LRRC7: variants seen among roughly 807,000 people sequenced by gnomAD.
The protein encoded by LRRC7 is leucine-rich repeat-containing protein 7.
LRRC7 carries 23 observed loss-of-function variants against 175.7 expected under a neutral mutation model. The ratio of observed to expected loss-of-function variants is 0.13; its 90% confidence interval spans 0.09 to 0.19. LRRC7 has a LOEUF of 0.19. Ranked by LOEUF, LRRC7 falls within the 10% of genes least tolerant of loss-of-function variation. The probability of loss-of-function intolerance (pLI) is 1.00; values close to 1 mark genes in which losing one functional copy is unlikely to be tolerated. For synonymous variants in LRRC7, 685 were observed against 680.9 expected (o/e 1.01, Z -0.09); for missense variants, 1,354 against 1,904.7 (o/e 0.71, Z 5.38).
intron 2 of LRRC7, among the ~76,000 whole-genome samples, chr1:69,724,827 G>A (rs996605756): frequency 6.6e-6 from 1 of 151,982 alleles, no homozygotes; most frequent in Non-Finnish European, 1.5e-5. Flanking sequence ...TGTACTATAG[G>A]AACTTGCTAT....
At chr1:69,787,479 G>A (rs544820305) in intron 3 of LRRC7, among the ~76,000 whole-genome samples, 19 of 152,214 alleles carry the variant, frequency 1.2e-4, no homozygotes, top group Non-Finnish European at 2.5e-4. Context: ...GCAAACATCT[G>A]CCTGGGTATC....
At chr1:69,732,336 GA>G (rs200890531) in intron 2 of LRRC7, among the ~76,000 whole-genome samples, 336 of 151,400 alleles carry the variant, frequency 2.2e-3, no homozygotes, top group African/African-American at 5.6e-3. Context: ...GAAAAATAGG[GA>G]AAAAAAATAC....
chr1:69,842,839 T>C (rs1434669709), intron 7 of LRRC7, among the ~76,000 whole-genome samples: 1 of 152,152 alleles, frequency 6.6e-6, no homozygotes. Context: ...ATTGTGAATA[T>C]ACATGTTCTT....
At chr1:69,760,468 A>G in intron 3 of LRRC7, 75 bp downstream of exon 3, 1 of 1,238,656 alleles carries the variant, frequency 8.1e-7, no homozygotes, top group African/African-American at 1.5e-5. Context: ...TATAATGGTA[A>G]TGTGAACTAT....
chr1:69,666,350 ATTCC>A (rs1028479133), intron 1 of LRRC7, among the ~76,000 whole-genome samples: 2 of 152,070 alleles, frequency 1.3e-5, no homozygotes, highest in African/African-American at 4.8e-5. Flanking sequence ...GTCTGAAAGT[ATTCC>A]TTCCTCCTCT....
chr1:69,641,524 C>A (rs1031796597), intron 1 of LRRC7, among the ~76,000 whole-genome samples: 2 of 151,358 alleles, frequency 1.3e-5, no homozygotes, highest in Admixed American at 6.6e-5. Context: ...TATTAATAAC[C>A]TTTACAGCTT....
At chr1:69,736,005 G>C (rs1385482834) in intron 2 of LRRC7, among the ~76,000 whole-genome samples, 1 of 151,982 alleles carries the variant, frequency 6.6e-6, no homozygotes, top group Non-Finnish European at 1.5e-5. Context: ...CACTTTGGCT[G>C]GTTAAAATGC....
At chr1:69,667,673 T>G (rs1421461659) in intron 1 of LRRC7, among the ~76,000 whole-genome samples, 1 of 152,218 alleles carries the variant, frequency 6.6e-6, no homozygotes, top group African/African-American at 2.4e-5. Context: ...TTCTGTCCCT[T>G]TATTTTCAGT....
chr1:69,699,406 G>C (rs911822703), intron 2 of LRRC7, among the ~76,000 whole-genome samples: 4 of 152,026 alleles, frequency 2.6e-5, no homozygotes, highest in African/African-American at 4.8e-5. Context: ...TGGGTGTGGT[G>C]GTGCACACCT....
At chr1:69,601,735 G>A (rs1391919516) in intron 1 of LRRC7, among the ~76,000 whole-genome samples, 3 of 152,032 alleles carry the variant, frequency 2.0e-5, no homozygotes, top group African/African-American at 7.2e-5. Context: ...AAAATATTGG[G>A]TTAGGCTACT....
At chr1:69,603,617 TC>T in intron 1 of LRRC7, among the ~76,000 whole-genome samples, 1 of 152,220 alleles carries the variant, frequency 6.6e-6, no homozygotes. Context: ...AATACCTTAA[TC>T]CAGAAAACTA....
At chr1:69,767,422 T>C (rs1337416650) in intron 3 of LRRC7, among the ~76,000 whole-genome samples, 1 of 152,110 alleles carries the variant, frequency 6.6e-6, no homozygotes, top group Non-Finnish European at 1.5e-5. Flanking sequence ...AATACCCAAA[T>C]TCCTCCAGTA....
rs950402329 is a variant in LRRC7 at position 70,138,036 on chromosome 1, AAG to A, written c.*16150_*16151del. The A allele has an allele frequency of 2.0e-5, 3 of 152,214 alleles. No homozygotes were observed. The highest frequency in any genetic ancestry group is 7.2e-5 in the African/African-American group (3 of 41,448). 9.4% of individuals were successfully genotyped at this position (152,214 alleles called of 1,614,324 possible). A position where few individuals can be genotyped will look rare whatever the true frequency, so the allele number is the denominator to read the frequency against. On this transcript the variant is annotated 3_prime_UTR_variant, in exon 27 of 27. Coordinates refer to ENST00000651989, the MANE Select transcript of LRRC7 (RefSeq NM_001370785.2). ...ACTGTATAATAAAGTTGAGTTCAAA[AAG>A]TGTATGAATTCAGTTATGGTCTGGA...
chr1:69,676,007 GCA>G (rs57846147), intron 1 of LRRC7, among the ~76,000 whole-genome samples: 30,918 of 147,276 alleles, frequency 0.21, 3,319 homozygotes, highest in Non-Finnish European at 0.25. Context: ...ATGAGTGCAT[GCA>G]CACACACACA....
intron 1 of LRRC7, among the ~76,000 whole-genome samples, chr1:69,646,850 T>C (rs1655070458): frequency 6.6e-6 from 1 of 152,104 alleles, no homozygotes; most frequent in African/African-American, 2.4e-5. Flanking sequence ...GAAATAGGGT[T>C]TAAGGATCTC....
intron 7 of LRRC7, among the ~76,000 whole-genome samples, chr1:69,892,767 C>T (rs549008721): frequency 7.2e-5 from 11 of 152,268 alleles, no homozygotes; most frequent in Admixed American, 7.2e-4. Context: ...AATTGAGTCT[C>T]AGAGAAATTA....
intron 23 of LRRC7, 146 bp downstream of exon 23, chr1:70,053,291 T>C: frequency 1.5e-6 from 1 of 679,402 alleles, no homozygotes; most frequent in Non-Finnish European, 2.2e-6. Flanking sequence ...TTTGGTTGAC[T>C]GTAAGTACAT....
intron 8 of LRRC7, among the ~76,000 whole-genome samples, chr1:69,978,212 G>A (rs2101883011): frequency 6.6e-6 from 1 of 152,016 alleles, no homozygotes; most frequent in Admixed American, 6.5e-5. Flanking sequence ...GAACCCAGGA[G>A]GCAGAGGTTG....
intron 3 of LRRC7, among the ~76,000 whole-genome samples, chr1:69,767,207 A>C (rs1671717939): frequency 6.6e-6 from 1 of 152,142 alleles, no homozygotes; most frequent in African/African-American, 2.4e-5. Flanking sequence ...TCGGTACTTC[A>C]TTCCTTTTTA....
Sources: gnomAD v4.1 joint callset for allele counts (sites outside exome capture counted in the v4.1 genomes callset) on GRCh38, gnomAD v4.1.1 for gene constraint, MANE v1.5 for transcripts, NCBI Gene and HGNC (gene_info 2026-07-23, HGNC 2026-07-21) for gene names.